The following CLCN5 variants were observed in gnomAD, a reference collection of about 807,000 sequenced individuals.
CLCN5 encodes the protein Cl-/H+ antiporter 5.
CLCN5 carries 17 observed loss-of-function variants against 54.0 expected under a neutral mutation model. The ratio of observed to expected loss-of-function variants is 0.31; its 90% confidence interval spans 0.22 to 0.47. CLCN5 has a LOEUF of 0.47. Among genes scored for constraint, CLCN5 ranks in the 20% least tolerant of loss-of-function variants. CLCN5 has a pLI of 1.00. For missense variants in CLCN5, 448 were observed against 646.7 expected (o/e 0.69, Z 3.33); for synonymous variants, 222 against 233.0 (o/e 0.95, Z 0.43).
intron 3 of CLCN5, among the ~76,000 whole-genome samples, chrX:50,025,206 A>G (rs1931296500): frequency 5.3e-5 from 2 of 37,804 alleles, no homozygotes; most frequent in South Asian, 3.0e-3. Context: ...AGCCGGTCTG[A>G]AAAGCGCAAT....
intron 3 of CLCN5, among the ~76,000 whole-genome samples, chrX:49,989,266 C>T (rs1394332010): frequency 4.5e-5 from 5 of 109,944 alleles, no homozygotes; most frequent in Admixed American, 9.7e-5. Flanking sequence ...TTCGTAGGGA[C>T]GGGGCCTCCC....
intron 3 of CLCN5, among the ~76,000 whole-genome samples, chrX:49,970,469 C>T (rs1928151359): frequency 1.8e-5 from 2 of 111,553 alleles, no homozygotes; most frequent in Admixed American, 1.9e-4. Context: ...CTTCTTATCT[C>T]TGTGGATTTG....
intron 3 of CLCN5, among the ~76,000 whole-genome samples, chrX:49,980,183 C>G (rs17174047): frequency 0.075 from 8,324 of 110,674 alleles, 761 homozygotes; most frequent in African/African-American, 0.26. Context: ...TAAATCTAAT[C>G]CTACTTTTAG....
chrX:50,051,087 T>G (rs782778426), intron 4 of CLCN5, among the ~76,000 whole-genome samples: 16 of 112,325 alleles, frequency 1.4e-4, no homozygotes, highest in African/African-American at 5.2e-4. Flanking sequence ...ATATAAAAAG[T>G]CATCACTGAA....
chrX:49,930,757 A>G (rs1053186610), intron 3 of CLCN5, among the ~76,000 whole-genome samples: 2 of 111,457 alleles, frequency 1.8e-5, no homozygotes, highest in Non-Finnish European at 3.8e-5. Context: ...AGATTACCGT[A>G]TTTTCCATCT....
rs781782958 is a variant in CLCN5 at position 50,090,059 on chromosome X, A to G, written c.1745-57A>G. On this transcript the variant is annotated intron_variant, in intron 12 of 14. Transcript: ENST00000376091. ...GTCAGCTTTTCCTGGAAAGGCCCAT[A>G]ATTGTAAGAATCCTGTATTTTGCCT... 15 of 1,159,769 alleles carry G rather than the reference A, an allele frequency of 1.3e-5. No homozygotes were observed. The Admixed American group carries it at 2.4e-4, about 19-fold the overall frequency.
At position 50,075,992 on chromosome X, in the gene CLCN5, A is replaced by C. The variant is rs1933387042; in HGVS notation, c.603+10A>C. 1.7e-6 allele frequency: 2 copies of C among 1,195,484 alleles called. No individual in the cohort carries two copies. The highest frequency in any genetic ancestry group is 1.7e-5 in the African/African-American group (1 of 57,588). On this transcript the variant is annotated intron_variant, in intron 7 of 14. Coordinates refer to ENST00000376091, the MANE Select transcript of CLCN5 (RefSeq NM_001127898.4). ...CATCAGCACAGATGAGGTAACATGTAGTGATGTTTTATGAGCCATTGACTT... is the reference window on the plus strand; with the variant it reads ...CATCAGCACAGATGAGGTAACATGTCGTGATGTTTTATGAGCCATTGACTT...
intron 3 of CLCN5, among the ~76,000 whole-genome samples, chrX:49,942,625 A>G (rs1309621221): frequency 2.0e-5 from 2 of 100,971 alleles, no homozygotes; most frequent in Non-Finnish European, 4.0e-5. Context: ...TCATTGTTCA[A>G]TTCCCACCTA....
intron 3 of CLCN5, among the ~76,000 whole-genome samples, chrX:49,948,480 T>C (rs1397884034): frequency 8.9e-6 from 1 of 111,762 alleles, no homozygotes; most frequent in Non-Finnish European, 1.9e-5. Flanking sequence ...TTCTTTCATG[T>C]CTTATATTTA....
At chrX:50,087,923 A>G (rs1933948780) in intron 11 of CLCN5, among the ~76,000 whole-genome samples, 1 of 112,133 alleles carries the variant, frequency 8.9e-6, no homozygotes, top group Non-Finnish European at 1.9e-5. Flanking sequence ...GAATATTAAG[A>G]ATTTACTATA....
At chrX:50,016,523 AAAT>A (rs1322497196) in intron 3 of CLCN5, among the ~76,000 whole-genome samples, 1 of 109,559 alleles carries the variant, frequency 9.1e-6, no homozygotes, top group Non-Finnish European at 1.9e-5. Context: ...CATTATTATT[AAAT>A]AATAGTATAA....
Position 50,093,723 on chromosome X carries a change from G to A in CLCN5, c.*1504G>A. On this transcript the variant is annotated 3_prime_UTR_variant, in exon 15 of 15. Transcript: ENST00000376091. ...CCTTAGTACCAAATCCTCTGTTTGG[G>A]ATTGAGCGCTGCTCCTGGTTAATCA... 9.0e-6 allele frequency: 1 copy of A among 111,185 alleles called. No individual in the cohort carries two copies. The highest frequency in any genetic ancestry group is 1.9e-5 in the Non-Finnish European group (1 of 53,033). The allele number at this position is 111,185 out of a possible 1,213,427, so 9.2% of individuals were successfully genotyped here.
chrX:50,004,908 C>T (rs1930078313), intron 3 of CLCN5, among the ~76,000 whole-genome samples: 1 of 111,135 alleles, frequency 9.0e-6, no homozygotes, highest in Non-Finnish European at 1.9e-5. Flanking sequence ...GAGGCTTCAT[C>T]TCAAAAAGAA....
rs151158417 is a variant in CLCN5, at chrX:49,965,347, C to G, written c.16+40033C>G. On this transcript the variant is annotated intron_variant, in intron 3 of 14. Coordinates refer to ENST00000376091, the MANE Select transcript of CLCN5 (RefSeq NM_001127898.4). Reference sequence around the variant, plus strand: ...TGTAGTTTTCAGTGTACATACAGGTCTTGCATATCTTCTCTGAGATTTATC... The same window carrying G: ...TGTAGTTTTCAGTGTACATACAGGTGTTGCATATCTTCTCTGAGATTTATC... 1.3e-4 allele frequency among the ~76,000 whole-genome samples: 14 copies of G among 111,880 alleles called. No homozygotes were observed. The East Asian group carries it at 3.3e-3, about 27-fold the overall frequency.
chrX:49,946,611 A>T (rs939497121), intron 3 of CLCN5, among the ~76,000 whole-genome samples: 2 of 110,759 alleles, frequency 1.8e-5, no homozygotes, highest in East Asian at 5.7e-4. Context: ...ATACACATAT[A>T]TACCTAGTCA....
chrX:49,923,485 A>G lies in CLCN5; in HGVS notation c.-129+3A>G, dbSNP rs1925176579. The G allele has an allele frequency of 8.9e-6, 1 of 112,471 alleles. No homozygotes were observed. Among genetic ancestry groups the G allele is most frequent in the African/African-American group, 3.2e-5 (1 of 30,915 alleles). 9.3% of individuals were successfully genotyped at this position (112,471 alleles called of 1,213,427 possible). A position where few individuals can be genotyped will look rare whatever the true frequency, so the allele number is the denominator to read the frequency against. On this transcript the variant is annotated splice_donor_region_variant and intron_variant, in intron 2 of 14. Coordinates refer to ENST00000376091, the MANE Select transcript of CLCN5 (RefSeq NM_001127898.4). ...AACGTCAGTGGAAGCTGCCCCGAGT[A>G]AGTGAGGGAAATCTAGAAGTTTGGA... is the stretch of plus-strand genomic sequence containing the variant.
At chrX:50,043,124 G>A (rs1932281178) in intron 4 of CLCN5, among the ~76,000 whole-genome samples, 1 of 112,046 alleles carries the variant, frequency 8.9e-6, no homozygotes, top group Admixed American at 9.5e-5. Context: ...ACTGTTTGAT[G>A]AAGTATATGT....
intron 3 of CLCN5, chrX:50,014,534 A>G (rs906398746): frequency 6.3e-6 from 2 of 317,237 alleles, no homozygotes; most frequent in Admixed American, 3.7e-5. Context: ...CTGTTCTCAC[A>G]CAGAGCTGTG....
At chrX:50,012,314 AAGGCAAT>A (rs1557182680) in intron 3 of CLCN5, among the ~76,000 whole-genome samples, 1 of 111,985 alleles carries the variant, frequency 8.9e-6, no homozygotes, top group African/African-American at 3.3e-5. Flanking sequence ...TCTGGTGTGC[AAGGCAAT>A]AGGCTTTCTA....
Sources: allele counts gnomAD v4.1 joint callset (sites outside exome capture counted in the v4.1 genomes callset), GRCh38; gene constraint gnomAD v4.1.1; transcripts MANE v1.5; gene names NCBI Gene and HGNC (gene_info 2026-07-23, HGNC 2026-07-21).